Variants in GPC6 observed in about 807,000 individuals in gnomAD.
GPC6 encodes glypican 6, also known as glypican-6.
A neutral mutation model predicts 55.2 loss-of-function variants in GPC6; 14 were observed. The ratio of observed to expected loss-of-function variants is 0.25; its 90% CI spans 0.17 to 0.40. GPC6 has a LOEUF of 0.40. Ranked by LOEUF, GPC6 falls within the 10% of genes least tolerant of loss-of-function variation. The probability of loss-of-function intolerance (pLI) is 1.00; values close to 1 mark genes in which losing one functional copy is unlikely to be tolerated. For missense variants in GPC6, 641 were observed against 708.5 expected (o/e 0.90, Z 1.08); for synonymous variants, 278 against 259.6 (o/e 1.07, Z -0.68).
intron 4 of GPC6, among the ~76,000 whole-genome samples, chr13:94,247,160 T>C (rs1213282337): frequency 6.6e-6 from 1 of 152,144 alleles, no homozygotes; most frequent in African/African-American, 2.4e-5. Context: ...GGTCATTGTT[T>C]GTGTATTAAA....
chr13:93,565,275 G>C (rs1876040677), intron 2 of GPC6, among the ~76,000 whole-genome samples: 1 of 152,074 alleles, frequency 6.6e-6, no homozygotes, highest in South Asian at 2.1e-4. Flanking sequence ...TTATGTACCT[G>C]CTCCACCTCA....
intron 5 of GPC6, among the ~76,000 whole-genome samples, chr13:94,287,187 T>G (rs1035877263): frequency 6.6e-6 from 1 of 152,266 alleles, no homozygotes; most frequent in African/African-American, 2.4e-5. Flanking sequence ...TTCATCAATC[T>G]TTCTCTCCCA....
intron 1 of GPC6, among the ~76,000 whole-genome samples, chr13:93,527,204 T>G (rs1566405436): frequency 6.6e-6 from 1 of 152,082 alleles, no homozygotes; most frequent in Admixed American, 6.6e-5. Context: ...TCACCTACCA[T>G]AGTTACCTTT....
At position 93,545,345 on chromosome 13, in the gene GPC6, C is replaced by A. The variant is rs780345699; in HGVS notation, c.243C>A (p.Leu81=). ...MEDKLSQQSK[L]EFENLVEETS... is the part of the protein sequence containing the mutation. ...ACAAGTTAAGCCAACAAAGCAAACT[C>A]GAATTTGAAAACCTTGTGGAAGAGA... Residue 81 remains leucine (L), a synonymous_variant, in exon 2 of 9, where the codon CTC becomes CTA. Coordinates refer to ENST00000377047, the MANE Select transcript of GPC6 (RefSeq NM_005708.5). 1 of 1,613,614 alleles carries A rather than the reference C, an allele frequency of 6.2e-7. No individual in the cohort carries two copies. Among genetic ancestry groups the A allele is most frequent in the Non-Finnish European group, 8.5e-7 (1 of 1,179,562 alleles).
rs143290532 is a variant in GPC6 at position 93,431,928 on chromosome 13, C to T, written c.161-113335C>T. On this transcript the variant is annotated intron_variant, in intron 1 of 8. Coordinates refer to ENST00000377047, the MANE Select transcript of GPC6 (RefSeq NM_005708.5). The stretch of plus-strand genomic sequence containing the variant: ...AATGGATGATGCTGTTTCCTAAAGT[C>T]AGTTTAATGAATTACTGTTTGGTAA... Among the ~76,000 whole-genome samples the T allele has an allele frequency of 4.2e-3, 634 of 152,182 alleles. 1 individual carries two copies. Among genetic ancestry groups the T allele is most frequent in the Middle Eastern group, 0.017 (5 of 294 alleles).
Position 93,628,011 on chromosome 13 carries a change from A to C in GPC6, c.319+82590A>C, listed in dbSNP as rs369204604. On this transcript the variant is annotated intron_variant, in intron 2 of 8. Coordinates refer to ENST00000377047, the MANE Select transcript of GPC6 (RefSeq NM_005708.5). The stretch of plus-strand genomic sequence containing the variant: ...TGTTATCTACATTGAGGTTACCTCA[A>C]ATAACCTGCTTCCAGCCCATCAGAC... 1.1e-4 allele frequency among the ~76,000 whole-genome samples: 16 copies of C among 152,336 alleles called. No homozygotes were observed. In the East Asian group the frequency reaches 2.7e-3, roughly 26 times the overall value.
intron 4 of GPC6, among the ~76,000 whole-genome samples, chr13:94,167,792 C>G (rs370189005): frequency 6.6e-5 from 10 of 152,212 alleles, no homozygotes; most frequent in Admixed American, 5.9e-4. Context: ...GACTATCTGT[C>G]ATATTTAAAG....
At chr13:94,379,941 C>T (rs1566739056) in intron 6 of GPC6, among the ~76,000 whole-genome samples, 2 of 152,198 alleles carry the variant, frequency 1.3e-5, no homozygotes. Flanking sequence ...TAGCGCAGCG[C>T]AGAAAGCTGA....
intron 3 of GPC6, among the ~76,000 whole-genome samples, chr13:94,027,101 A>G (rs905251151): frequency 6.6e-6 from 1 of 152,168 alleles, no homozygotes; most frequent in East Asian, 1.9e-4. Context: ...GGCAAATAGG[A>G]TTTCATTGTC....
chr13:94,359,275 CA>C, intron 6 of GPC6, among the ~76,000 whole-genome samples: 1 of 152,114 alleles, frequency 6.6e-6, no homozygotes, highest in African/African-American at 2.4e-5. Context: ...AAACTATTTT[CA>C]AAAGACTGTT....
chr13:94,083,999 A>G (rs1377332314), intron 4 of GPC6, among the ~76,000 whole-genome samples: 1 of 152,210 alleles, frequency 6.6e-6, no homozygotes, highest in Admixed American at 6.5e-5. Flanking sequence ...TATCCAAACG[A>G]AAATGGCTTT....
At chr13:93,433,343 C>T (rs7325769) in intron 1 of GPC6, among the ~76,000 whole-genome samples, 5,311 of 152,182 alleles carry the variant, frequency 0.035, 307 homozygotes, top group African/African-American at 0.12. Context: ...CTGCTTTTGC[C>T]ACTGTGAGAC....
chr13:93,601,745 T>A (rs1003673624), intron 2 of GPC6, among the ~76,000 whole-genome samples: 6 of 152,240 alleles, frequency 3.9e-5, no homozygotes, highest in Non-Finnish European at 5.9e-5. Flanking sequence ...TTGAGATGTA[T>A]ATGTATTTGT....
chr13:93,353,622 T>C (rs1347455565), intron 1 of GPC6, among the ~76,000 whole-genome samples: 1 of 152,246 alleles, frequency 6.6e-6, no homozygotes, highest in African/African-American at 2.4e-5. Context: ...TATGATAGTA[T>C]ATTACTTGGC....
intron 4 of GPC6, among the ~76,000 whole-genome samples, chr13:94,074,153 C>CA (rs1221252627): frequency 6.6e-6 from 1 of 152,018 alleles, no homozygotes; most frequent in Non-Finnish European, 1.5e-5. Context: ...CTTTATTTGA[C>CA]AAAAATCTTC....
chr13:93,441,545 A>AT (rs557694889), intron 1 of GPC6, among the ~76,000 whole-genome samples: 249 of 151,716 alleles, frequency 1.6e-3, no homozygotes, highest in African/African-American at 5.8e-3. Flanking sequence ...GGGTTGTTTG[A>AT]TTTTTTCTTG....
At chr13:93,657,160 G>T (rs925842927) in intron 2 of GPC6, among the ~76,000 whole-genome samples, 7 of 151,790 alleles carry the variant, frequency 4.6e-5, no homozygotes, top group Non-Finnish European at 1.0e-4. Context: ...CCAAGCAAAA[G>T]GAACAAAGTT....
chr13:93,966,063 G>A (rs894359591), intron 3 of GPC6, among the ~76,000 whole-genome samples: 6 of 152,088 alleles, frequency 3.9e-5, no homozygotes, highest in Admixed American at 1.3e-4. Flanking sequence ...GTGCTGTCAC[G>A]TCTCCTGGGG....
At chr13:93,228,189 C>T (rs1248047462) in intron 1 of GPC6, among the ~76,000 whole-genome samples, 1 of 152,162 alleles carries the variant, frequency 6.6e-6, no homozygotes, top group Non-Finnish European at 1.5e-5. Context: ...GGGAGGGACC[C>T]TCGCCGGGGA....
Sources: gnomAD v4.1 joint callset for allele counts (sites outside exome capture counted in the v4.1 genomes callset) on GRCh38, gnomAD v4.1.1 for gene constraint, MANE v1.5 for transcripts, NCBI Gene and HGNC (gene_info 2026-07-23, HGNC 2026-07-21) for gene names.